The following MB21D2 variants were observed in gnomAD, a reference collection of about 807,000 sequenced individuals.
The protein encoded by MB21D2 is Mab-21 domain containing 2.
MB21D2 carries 9 observed loss-of-function variants against 33.3 expected under a neutral mutation model. The observed-to-expected ratio is 0.27, with a 90% confidence interval of 0.16 to 0.47. The LOEUF is 0.47. MB21D2 is among the 20% of genes least tolerant of loss of function. The pLI is 0.99. For synonymous variants in MB21D2, 241 were observed against 236.3 expected (o/e 1.02, Z -0.18); for missense variants, 540 against 624.6 (o/e 0.86, Z 1.44).
intron 1 of MB21D2, among the ~76,000 whole-genome samples, chr3:192,879,403 C>T (rs570269867): frequency 2.6e-4 from 39 of 152,356 alleles, no homozygotes; most frequent in Admixed American, 2.5e-3. Flanking sequence ...CCAATACTCC[C>T]CAGCATTAAC....
chr3:192,917,550 G>A, intron 1 of MB21D2, 80 bp downstream of exon 1: 2 of 1,485,456 alleles, frequency 1.3e-6, no homozygotes, highest in Admixed American at 1.7e-5. Context: ...GGAAGAGGTC[G>A]AGAAGCGGCA....
At chr3:192,853,892 G>A (rs114675432) in intron 1 of MB21D2, among the ~76,000 whole-genome samples, 329 of 152,216 alleles carry the variant, frequency 2.2e-3, no homozygotes, top group African/African-American at 7.3e-3. Flanking sequence ...GGTGATCTGT[G>A]ATCTTTGATG....
chr3:192,901,768 A>G (rs143126054), intron 1 of MB21D2, among the ~76,000 whole-genome samples: 3 of 152,350 alleles, frequency 2.0e-5, no homozygotes, highest in African/African-American at 7.2e-5. Context: ...GTGACCTCAA[A>G]GTCAACTTCC....
At chr3:192,859,360 AC>A (rs34933723) in intron 1 of MB21D2, among the ~76,000 whole-genome samples, 1 of 151,198 alleles carries the variant, frequency 6.6e-6, no homozygotes, top group Non-Finnish European at 1.5e-5. Flanking sequence ...AACCACCCCC[AC>A]CCCCGACATG....
At chr3:192,873,626 A>T (rs1713365525) in intron 1 of MB21D2, among the ~76,000 whole-genome samples, 1 of 151,934 alleles carries the variant, frequency 6.6e-6, no homozygotes, top group African/African-American at 2.4e-5. Context: ...TCCCTCCTCT[A>T]CCACTCTTTG....
chr3:192,798,497 T>C lies in MB21D2; in HGVS notation c.1365A>G (p.Ala455=). Residue 455 remains alanine (A), a synonymous_variant, in exon 2 of 2, where the codon GCA becomes GCG. Transcript: ENST00000392452. This position sits in a 1 kb window ranked among gnomAD's most constrained non-coding sequence, Gnocchi z 4.8. The stretch of plus-strand genomic sequence containing the variant: ...CAGTCACTAGCTGCTGCAGTTTTTT[T>C]GCCAAACGGTCATCAGGCTGGTTGG... ...GDPNQPDDRL[A]KKLQQLVTEN... 1 of 1,614,220 alleles carries C rather than the reference T, an allele frequency of 6.2e-7. No individual in the cohort carries two copies.
At position 192,870,413 on chromosome 3, in the gene MB21D2, G is replaced by A. The variant is rs548760827; in HGVS notation, c.211+47217C>T. Among the ~76,000 whole-genome samples, 9 of 152,190 alleles carry A rather than the reference G, an allele frequency of 5.9e-5. No homozygotes were observed. In the South Asian group the frequency reaches 6.2e-4, roughly 11 times the overall value. On this transcript the variant is annotated intron_variant, in intron 1 of 1. Transcript: ENST00000392452. ...GTTCTTAGAAATGCAAAGGCTGGCC[G>A]GGCACACTGGCTCATGTCTGTAATC...
chr3:192,828,383 G>A (rs1577175118), intron 1 of MB21D2, among the ~76,000 whole-genome samples: 2 of 151,434 alleles, frequency 1.3e-5, no homozygotes. Context: ...GCTCTAGAAT[G>A]GGACAGGAGG....
intron 1 of MB21D2, among the ~76,000 whole-genome samples, chr3:192,911,827 C>T (rs915398001): frequency 6.6e-6 from 1 of 152,080 alleles, no homozygotes; most frequent in Non-Finnish European, 1.5e-5. Flanking sequence ...GATCCCCTGC[C>T]CTGGATACAT....
chr3:192,855,841 G>A (rs1323494096), intron 1 of MB21D2, among the ~76,000 whole-genome samples: 2 of 152,190 alleles, frequency 1.3e-5, no homozygotes, highest in Non-Finnish European at 2.9e-5. Flanking sequence ...GGGAGGCCAA[G>A]GCAGGAGGAT....
chr3:192,833,875 C>A (rs969920528), intron 1 of MB21D2, among the ~76,000 whole-genome samples: 3 of 152,192 alleles, frequency 2.0e-5, no homozygotes, highest in Non-Finnish European at 2.9e-5. Flanking sequence ...GTCTTTTCCT[C>A]TGTTGAGTCC....
intron 1 of MB21D2, among the ~76,000 whole-genome samples, chr3:192,802,299 C>T (rs943432251): frequency 6.6e-6 from 1 of 152,282 alleles, no homozygotes; most frequent in East Asian, 1.9e-4. Flanking sequence ...CTCAGCTTCT[C>T]CTACTTGAAC....
rs957102902 is a variant in MB21D2 at position 192,852,599 on chromosome 3, A to G, written c.212-52949T>C. 2.6e-5 allele frequency among the ~76,000 whole-genome samples: 4 copies of G among 152,352 alleles called. No individual in the cohort carries two copies. The East Asian group carries it at 7.7e-4, about 29-fold the overall frequency. On this transcript the variant is annotated intron_variant, in intron 1 of 1. Transcript: ENST00000392452. Reference sequence around the variant, plus strand: ...CATAGTGAAAAGAAAAAACAGACTAAGTTTCTTGCATCCTTTTGAATCCAA... The same window carrying G: ...CATAGTGAAAAGAAAAAACAGACTAGGTTTCTTGCATCCTTTTGAATCCAA...
At chr3:192,855,300 C>T (rs751566505) in intron 1 of MB21D2, among the ~76,000 whole-genome samples, 19 of 152,100 alleles carry the variant, frequency 1.2e-4, no homozygotes, top group Non-Finnish European at 2.6e-4. Context: ...GGTTTCACCA[C>T]GTTGGCAAGG....
chr3:192,824,391 G>A (rs1712123697), intron 1 of MB21D2, among the ~76,000 whole-genome samples: 1 of 151,918 alleles, frequency 6.6e-6, no homozygotes, highest in Non-Finnish European at 1.5e-5. Flanking sequence ...ATTATGAGAG[G>A]AAGCTTCTAG....
rs556923004 is a variant in MB21D2 at position 192,895,626 on chromosome 3, T to C, written c.211+22004A>G. 1.6e-3 allele frequency among the ~76,000 whole-genome samples: 245 copies of C among 152,322 alleles called. 2 individuals are homozygous for C. The Middle Eastern group carries it at 0.02, about 13-fold the overall frequency. On this transcript the variant is annotated intron_variant, in intron 1 of 1. Transcript: ENST00000392452. ...AGAAAACTATTAAAGAAAAAGAAAA[T>C]TTCATTCAGTTTCCTGGAAAATCTA...
intron 1 of MB21D2, among the ~76,000 whole-genome samples, chr3:192,815,967 A>C (rs1304640366): frequency 3.9e-5 from 6 of 152,158 alleles, no homozygotes; most frequent in Non-Finnish European, 7.3e-5. Context: ...AGTGAGTATC[A>C]AGTGTGGAGC....
chr3:192,812,085 T>C (rs1367097689), intron 1 of MB21D2, among the ~76,000 whole-genome samples: 4 of 152,180 alleles, frequency 2.6e-5, no homozygotes, highest in African/African-American at 9.7e-5. Context: ...TCTCACTCTG[T>C]TGCTCAGGCT....
intron 1 of MB21D2, among the ~76,000 whole-genome samples, chr3:192,831,418 T>G (rs2108620888): frequency 6.6e-6 from 1 of 152,346 alleles, no homozygotes; most frequent in East Asian, 1.9e-4. Flanking sequence ...CATAAATGCT[T>G]AATGTTGTTT....
Sources: gnomAD v4.1 joint callset for allele counts (sites outside exome capture counted in the v4.1 genomes callset) on GRCh38, gnomAD v4.1.1 for gene constraint, Gnocchi (gnomAD v3.1) non-coding constraint, MANE v1.5 for transcripts, NCBI Gene and HGNC (gene_info 2026-07-23, HGNC 2026-07-21) for gene names.